Variants in RAP1A observed in about 807,000 individuals in gnomAD.
The protein encoded by RAP1A is ras-related protein Rap-1A.
RAP1A carries 6 observed loss-of-function variants against 26.4 expected under a neutral mutation model. That is an observed-to-expected ratio of 0.23 (90% CI 0.12 to 0.45). RAP1A has a LOEUF of 0.45. Among genes scored for constraint, RAP1A ranks in the 20% least tolerant of loss-of-function variants. RAP1A has a pLI of 0.99. For missense variants in RAP1A, 121 were observed against 217.2 expected (o/e 0.56, Z 2.78); for synonymous variants, 73 against 79.4 (o/e 0.92, Z 0.43).
rs548272599 is a variant in RAP1A, at chr1:111,691,229, T to C, written c.-27-105T>C. 19 of 674,520 alleles carry C rather than the reference T, an allele frequency of 2.8e-5. No homozygotes were observed. The South Asian group carries it at 4.9e-4, about 17-fold the overall frequency. 41.8% of individuals were successfully genotyped at this position (674,520 alleles called of 1,614,324 possible). ...AGCTTCTGTTGTCCCTTTGATAGTCTTACAAGGAAAAAAACAAAACAAACT... is the reference window on the plus strand; with the variant it reads ...AGCTTCTGTTGTCCCTTTGATAGTCCTACAAGGAAAAAAACAAAACAAACT... On this transcript the variant is annotated intron_variant, in intron 1 of 7. Transcript: ENST00000369709.
chr1:111,596,430 T>A (rs1274781949), intron 1 of RAP1A, among the ~76,000 whole-genome samples: 1 of 152,256 alleles, frequency 6.6e-6, no homozygotes, highest in Non-Finnish European at 1.5e-5. Flanking sequence ...GTGCATTTTT[T>A]AAAGGAATGG....
At chr1:111,685,009 C>T (rs1276035068) in intron 1 of RAP1A, among the ~76,000 whole-genome samples, 2 of 152,054 alleles carry the variant, frequency 1.3e-5, no homozygotes, top group Non-Finnish European at 2.9e-5. Flanking sequence ...CTTTGATGAA[C>T]CTAACAAAAA....
chr1:111,677,734 G>A (rs1661171951), intron 1 of RAP1A, among the ~76,000 whole-genome samples: 1 of 152,146 alleles, frequency 6.6e-6, no homozygotes, highest in Non-Finnish European at 1.5e-5. Flanking sequence ...ACAACCTGCG[G>A]TGCCTTTTAG....
intron 1 of RAP1A, among the ~76,000 whole-genome samples, chr1:111,573,321 C>T (rs1453838913): frequency 6.6e-6 from 1 of 152,158 alleles, no homozygotes. Context: ...ACACTGCTTT[C>T]CACAATGGTT....
chr1:111,647,991 C>CT (rs1308404525), intron 1 of RAP1A, among the ~76,000 whole-genome samples: 2 of 152,220 alleles, frequency 1.3e-5, no homozygotes, highest in African/African-American at 4.8e-5. Flanking sequence ...ACTGTAAATA[C>CT]TTTTTTCTGT....
chr1:111,608,938 T>G (rs1658869837), intron 1 of RAP1A, among the ~76,000 whole-genome samples: 1 of 152,254 alleles, frequency 6.6e-6, no homozygotes, highest in African/African-American at 2.4e-5. Context: ...TGCTGAGTTC[T>G]GCTGAGCTGA....
At chr1:111,572,195 C>A (rs1206703816) in intron 1 of RAP1A, among the ~76,000 whole-genome samples, 1 of 152,210 alleles carries the variant, frequency 6.6e-6, no homozygotes, top group African/African-American at 2.4e-5. Context: ...GATTTGGCTG[C>A]CTTTCAGAAG....
chr1:111,703,818 A>T (rs981933451), intron 5 of RAP1A, among the ~76,000 whole-genome samples: 2 of 152,236 alleles, frequency 1.3e-5, no homozygotes, highest in Non-Finnish European at 2.9e-5. Flanking sequence ...AAAGAACATT[A>T]TTAAGATCCA....
chr1:111,679,981 T>C (rs1005274892), intron 1 of RAP1A, among the ~76,000 whole-genome samples: 1 of 152,166 alleles, frequency 6.6e-6, no homozygotes, highest in Non-Finnish European at 1.5e-5. Context: ...GACTTAAATG[T>C]TCCTGCCTGC....
chr1:111,685,779 T>C (rs1240625764), intron 1 of RAP1A, among the ~76,000 whole-genome samples: 1 of 152,228 alleles, frequency 6.6e-6, no homozygotes, highest in Non-Finnish European at 1.5e-5. Flanking sequence ...ACTGGGTATA[T>C]ACCCAAAGGA....
chr1:111,607,696 C>G (rs1486707175), intron 1 of RAP1A, among the ~76,000 whole-genome samples: 1 of 134,296 alleles, frequency 7.4e-6, no homozygotes, highest in Non-Finnish European at 1.6e-5. Flanking sequence ...GCGGGCTGAC[C>G]CCCCCACCTC....
intron 1 of RAP1A, among the ~76,000 whole-genome samples, chr1:111,548,402 C>T (rs970052289): frequency 1.3e-5 from 2 of 152,196 alleles, no homozygotes; most frequent in Non-Finnish European, 2.9e-5. Flanking sequence ...TATATGTCAT[C>T]TCCTGTTATA....
upstream of RAP1A, among the ~76,000 whole-genome samples, chr1:111,542,032 C>T (rs1382010749): frequency 6.6e-6 from 1 of 150,986 alleles, no homozygotes; most frequent in Non-Finnish European, 1.5e-5. Flanking sequence ...GCATTCCTTT[C>T]TTTAAAGAGG....
intron 1 of RAP1A, among the ~76,000 whole-genome samples, chr1:111,665,313 C>T (rs1571543161): frequency 6.6e-6 from 1 of 152,030 alleles, no homozygotes; most frequent in South Asian, 2.1e-4. Flanking sequence ...TAGTTTTGGT[C>T]ATATATAGTT....
intron 1 of RAP1A, among the ~76,000 whole-genome samples, chr1:111,630,278 A>G (rs916957116): frequency 6.6e-6 from 1 of 152,144 alleles, no homozygotes; most frequent in African/African-American, 2.4e-5. Context: ...ATTTTTTCAT[A>G]CTCCTTTTGA....
intron 1 of RAP1A, among the ~76,000 whole-genome samples, chr1:111,611,756 G>A (rs2101080280): frequency 6.6e-6 from 1 of 152,276 alleles, no homozygotes; most frequent in East Asian, 1.9e-4. Context: ...TGACTCCAGA[G>A]CCTACATGTT....
intron 6 of RAP1A, among the ~76,000 whole-genome samples, chr1:111,708,210 G>A (rs1662259196): frequency 6.6e-6 from 1 of 151,260 alleles, no homozygotes; most frequent in East Asian, 1.9e-4. Context: ...ACAAATATTT[G>A]TTATTTCAAA....
At chr1:111,623,161 G>T (rs1184714402) in intron 1 of RAP1A, among the ~76,000 whole-genome samples, 1 of 147,706 alleles carries the variant, frequency 6.8e-6, no homozygotes, top group Non-Finnish European at 1.5e-5. Flanking sequence ...GGGATAACAG[G>T]TACCCACCAC....
chr1:111,578,199 C>T (rs985454963), intron 1 of RAP1A, among the ~76,000 whole-genome samples: 1 of 151,446 alleles, frequency 6.6e-6, no homozygotes, highest in African/African-American at 2.4e-5. Context: ...TGTGGGCACT[C>T]GGTGGAAGGG....
Sources: allele counts gnomAD v4.1 joint callset (sites outside exome capture counted in the v4.1 genomes callset), GRCh38; gene constraint gnomAD v4.1.1; transcripts MANE v1.5; gene names NCBI Gene and HGNC (gene_info 2026-07-23, HGNC 2026-07-21).